Variants in CEP70 observed in about 807,000 individuals in gnomAD.
CEP70 encodes centrosomal protein of 70 kDa.
CEP70 carries 70 observed loss-of-function variants against 90.9 expected under a neutral mutation model. The ratio of observed to expected loss-of-function variants is 0.77; its 90% confidence interval spans 0.64 to 0.94. CEP70 has a LOEUF of 0.94. Ranked by LOEUF, CEP70 falls within the 40% of genes least tolerant of loss-of-function variation. The pLI is 0.00. For synonymous variants in CEP70, 220 were observed against 228.3 expected, an observed-to-expected ratio of 0.96 and a Z score of 0.33; for missense variants, 648 against 669.0, an observed-to-expected ratio of 0.97 and a Z score of 0.35.
chr3:138,523,955 T>G (rs972795975), intron 11 of CEP70, among the ~76,000 whole-genome samples: 4 of 150,118 alleles, frequency 2.7e-5, no homozygotes, highest in African/African-American at 1.0e-4. Context: ...GAAGGCATCA[T>G]GCTACCTGAC....
chr3:138,513,085 T>G (rs1409535409), intron 11 of CEP70, among the ~76,000 whole-genome samples: 1 of 152,174 alleles, frequency 6.6e-6, no homozygotes, highest in Non-Finnish European at 1.5e-5. Flanking sequence ...AAATCCAATG[T>G]GTTATATTTC....
chr3:138,505,366 C>G lies in CEP70; in HGVS notation c.1150G>C (p.Val384Leu). 3 of 1,612,642 alleles carry G rather than the reference C, an allele frequency of 1.9e-6. No individual in the cohort carries two copies. The highest frequency in any genetic ancestry group is 2.5e-6 in the Non-Finnish European group (3 of 1,179,448). The change falls in exon 13 of 18, where the codon GTT becomes CTT. Residue 384 changes from valine (V) to leucine (L), a missense_variant. Transcript: ENST00000264982. ...AGATGCTCAAATCCACAATCTTGAA[C>G]AAGATCTTTATTAAAATTTTGGACT... ...GGVQNFNKDL[V>L]QDCGFEHLVP...
intron 6 of CEP70, among the ~76,000 whole-genome samples, chr3:138,544,064 G>A (rs2038973126): frequency 6.6e-6 from 1 of 152,156 alleles, no homozygotes; most frequent in Non-Finnish European, 1.5e-5. Flanking sequence ...TAAAGCAGGA[G>A]AATTGCTTGA....
chr3:138,509,740 T>C (rs1316984550), intron 11 of CEP70, among the ~76,000 whole-genome samples: 1 of 152,164 alleles, frequency 6.6e-6, no homozygotes, highest in African/African-American at 2.4e-5. Context: ...TGAAATCTCA[T>C]GCTGTCCCAC....
chr3:138,497,253 T>C (rs2034028923), intron 17 of CEP70: 1 of 1,267,526 alleles, frequency 7.9e-7, no homozygotes, highest in Non-Finnish European at 1.0e-6. Flanking sequence ...TTATTCTTCT[T>C]ATCAAGTTTT....
intron 1 of CEP70, among the ~76,000 whole-genome samples, chr3:138,593,420 A>C (rs2042486659): frequency 6.6e-6 from 1 of 152,158 alleles, no homozygotes; most frequent in African/African-American, 2.4e-5. Context: ...ACGTGGTTTC[A>C]TCATGTTGGC....
intron 2 of CEP70, among the ~76,000 whole-genome samples, chr3:138,574,953 T>A (rs1004678476): frequency 9.9e-5 from 15 of 152,052 alleles, no homozygotes; most frequent in Non-Finnish European, 1.8e-4. Context: ...TAGGTCACCA[T>A]CATCAAAGAC....
At chr3:138,517,257 G>A (rs2036117282) in intron 11 of CEP70, among the ~76,000 whole-genome samples, 1 of 152,180 alleles carries the variant, frequency 6.6e-6, no homozygotes. Context: ...CAGCATGGTA[G>A]AAATTGCTCT....
chr3:138,530,656 C>G, intron 8 of CEP70: 2 of 985,310 alleles, frequency 2.0e-6, no homozygotes, highest in Non-Finnish European at 2.4e-6. Context: ...CAGCTCTTCT[C>G]CTCTGCTTCC....
intron 10 of CEP70, among the ~76,000 whole-genome samples, 197 bp from the exon 11 acceptor site, chr3:138,525,761 C>T (rs964892399): frequency 4.6e-5 from 7 of 152,070 alleles, no homozygotes; most frequent in Admixed American, 3.9e-4. Flanking sequence ...TTATTCAAAG[C>T]CTTTTAGTCG....
At chr3:138,582,140 A>G (rs554017089) in intron 2 of CEP70, among the ~76,000 whole-genome samples, 1 of 152,320 alleles carries the variant, frequency 6.6e-6, no homozygotes, top group East Asian at 1.9e-4. Flanking sequence ...GACGTTAATG[A>G]GCAGAAATTA....
chr3:138,496,597 A>G, intron 17 of CEP70: 1 of 985,380 alleles, frequency 1.0e-6, no homozygotes, highest in Non-Finnish European at 1.2e-6. Flanking sequence ...CAATCACACC[A>G]TTTACATGAG....
chr3:138,496,774 T>C (rs935639097), intron 17 of CEP70: 2 of 985,464 alleles, frequency 2.0e-6, no homozygotes, highest in South Asian at 4.7e-5. Context: ...AACTTCAACT[T>C]TGACCAAATT....
At chr3:138,558,163 G>A (rs935114361) in intron 6 of CEP70, among the ~76,000 whole-genome samples, 12 of 152,154 alleles carry the variant, frequency 7.9e-5, no homozygotes, top group Non-Finnish European at 1.3e-4. Context: ...TCAGGAGTTC[G>A]AGACTAGCCT....
chr3:138,499,287 T>C (rs1329185555), intron 16 of CEP70, among the ~76,000 whole-genome samples: 1 of 152,186 alleles, frequency 6.6e-6, no homozygotes, highest in Non-Finnish European at 1.5e-5. Flanking sequence ...GCTTTAACTA[T>C]AGCTACAATG....
At chr3:138,566,620 T>G (rs1352963734) in intron 6 of CEP70, among the ~76,000 whole-genome samples, 2 of 150,870 alleles carry the variant, frequency 1.3e-5, no homozygotes, top group Non-Finnish European at 1.5e-5. Flanking sequence ...TGAGAACACA[T>G]GGACACAGCA....
chr3:138,495,879 A>G, intron 17 of CEP70: 2 of 985,302 alleles, frequency 2.0e-6, no homozygotes, highest in Non-Finnish European at 2.4e-6. Context: ...CTGCCTAATC[A>G]AAAAGATAGC....
chr3:138,562,249 G>A (rs1186425360), intron 6 of CEP70, among the ~76,000 whole-genome samples: 5 of 152,174 alleles, frequency 3.3e-5, no homozygotes, highest in African/African-American at 4.8e-5. Context: ...TGAAAGTGAC[G>A]GGGAGAAAGG....
At chr3:138,528,168 C>T (rs962809749) in intron 10 of CEP70, among the ~76,000 whole-genome samples, 3 of 151,430 alleles carry the variant, frequency 2.0e-5, no homozygotes, top group South Asian at 2.1e-4. Context: ...CCTCAGTCTT[C>T]GGAGTAGCTG....
Sources: allele counts gnomAD v4.1 joint callset (sites outside exome capture counted in the v4.1 genomes callset), GRCh38; gene constraint gnomAD v4.1.1; transcripts MANE v1.5; gene names NCBI Gene and HGNC (gene_info 2026-07-23, HGNC 2026-07-21).